The following LDLRAD3 variants were observed in gnomAD, a reference collection of about 807,000 sequenced individuals.
LDLRAD3 encodes low density lipoprotein receptor class A domain containing 3.
In LDLRAD3, 20 loss-of-function variants were observed where a neutral mutation model predicts 29.4. The observed-to-expected ratio is 0.68, with a 90% CI of 0.48 to 0.99. The LOEUF is 0.99. Ranked by LOEUF, LDLRAD3 falls within the 50% of genes least tolerant of loss-of-function variation. LDLRAD3 has a pLI of 0.00. For missense variants in LDLRAD3, 420 were observed against 454.3 expected, an observed-to-expected ratio of 0.92 and a Z score of 0.69; for synonymous variants, 157 against 192.7, an observed-to-expected ratio of 0.81 and a Z score of 1.53.
chr11:36,064,072 G>C (rs1050204862), intron 2 of LDLRAD3, among the ~76,000 whole-genome samples: 1 of 152,072 alleles, frequency 6.6e-6, no homozygotes, highest in South Asian at 2.1e-4. Flanking sequence ...GTTTACTTAG[G>C]TCTTCTTTAT....
intron 4 of LDLRAD3, among the ~76,000 whole-genome samples, chr11:36,195,013 C>T (rs1855011342): frequency 6.6e-6 from 1 of 152,158 alleles, no homozygotes; most frequent in African/African-American, 2.4e-5. Flanking sequence ...GTTCCTAAAC[C>T]TCTCTGTACC....
At chr11:36,163,427 A>G (rs1854471659) in intron 4 of LDLRAD3, 1 of 152,280 alleles carries the variant, frequency 6.6e-6, no homozygotes, top group South Asian at 2.1e-4. Context: ...TATGGGATCC[A>G]CATTAATGAA....
At chr11:36,144,694 A>C (rs1386004649) in intron 4 of LDLRAD3, among the ~76,000 whole-genome samples, 2 of 113,076 alleles carry the variant, frequency 1.8e-5, no homozygotes, top group Non-Finnish European at 1.8e-5. Flanking sequence ...TCCGCCCGGC[A>C]GCCACCCCGT....
intron 1 of LDLRAD3, among the ~76,000 whole-genome samples, chr11:36,025,377 T>C (rs376169234): frequency 6.6e-6 from 1 of 151,242 alleles, no homozygotes; most frequent in African/African-American, 2.4e-5. Context: ...TATTTTGCCA[T>C]GCTGGCTTCA....
intron 1 of LDLRAD3, among the ~76,000 whole-genome samples, chr11:35,948,678 C>T (rs1409841591): frequency 1.3e-5 from 2 of 152,038 alleles, no homozygotes; most frequent in African/African-American, 4.8e-5. Context: ...AGAGTAACTG[C>T]TTGGTCGGGG....
intron 4 of LDLRAD3, among the ~76,000 whole-genome samples, chr11:36,133,077 T>C (rs1443264392): frequency 1.3e-5 from 2 of 152,276 alleles, no homozygotes; most frequent in Non-Finnish European, 2.9e-5. Context: ...AATTTTACCT[T>C]TGTTTACCTT....
chr11:36,188,971 CT>C (rs34522525), intron 4 of LDLRAD3, among the ~76,000 whole-genome samples: 412 of 143,108 alleles, frequency 2.9e-3, no homozygotes, highest in Middle Eastern at 7.4e-3. Flanking sequence ...CAACCAAGAG[CT>C]TTTTTTTTTT....
At chr11:36,000,246 C>A (rs909079674) in intron 1 of LDLRAD3, among the ~76,000 whole-genome samples, 4 of 148,862 alleles carry the variant, frequency 2.7e-5, no homozygotes, top group African/African-American at 9.8e-5. Context: ...TGTATACATG[C>A]TATATACTAT....
chr11:36,195,072 A>G (rs1184095930), intron 4 of LDLRAD3, among the ~76,000 whole-genome samples: 5 of 152,226 alleles, frequency 3.3e-5, no homozygotes, highest in African/African-American at 9.6e-5. Flanking sequence ...CTTCTGTTAT[A>G]GAGCTTTTTA....
intron 3 of LDLRAD3, among the ~76,000 whole-genome samples, chr11:36,092,081 G>A (rs1246615743): frequency 6.6e-6 from 1 of 152,208 alleles, no homozygotes; most frequent in Non-Finnish European, 1.5e-5. Flanking sequence ...GAATATTTAT[G>A]CCTTTCAACA....
chr11:36,189,906 A>G (rs1466995330), intron 4 of LDLRAD3, among the ~76,000 whole-genome samples: 1 of 152,098 alleles, frequency 6.6e-6, no homozygotes, highest in Non-Finnish European at 1.5e-5. Context: ...AAGGACATGA[A>G]CTCATCCTTT....
At chr11:36,208,722 T>TA (rs1258370969) in intron 4 of LDLRAD3, among the ~76,000 whole-genome samples, 1 of 151,928 alleles carries the variant, frequency 6.6e-6, no homozygotes, top group Non-Finnish European at 1.5e-5. Context: ...ATCTTCCTTA[T>TA]AGAAAAATTG....
intron 4 of LDLRAD3, among the ~76,000 whole-genome samples, chr11:36,194,300 G>A (rs769187807): frequency 6.6e-6 from 1 of 152,172 alleles, no homozygotes; most frequent in Non-Finnish European, 1.5e-5. Flanking sequence ...TAGTAGGGCA[G>A]GCGTCTCTCA....
intron 4 of LDLRAD3, among the ~76,000 whole-genome samples, chr11:36,214,626 G>A (rs1223520384): frequency 6.6e-6 from 1 of 152,238 alleles, no homozygotes; most frequent in African/African-American, 2.4e-5. Flanking sequence ...AACTGGTTGA[G>A]TGGGACCTGC....
At chr11:36,004,145 C>A (rs1293633682) in intron 1 of LDLRAD3, among the ~76,000 whole-genome samples, 2 of 152,156 alleles carry the variant, frequency 1.3e-5, no homozygotes, top group African/African-American at 4.8e-5. Context: ...CTCAACAGTC[C>A]CCTAGTCTTA....
At chr11:36,153,897 A>G (rs1233699109) in intron 4 of LDLRAD3, among the ~76,000 whole-genome samples, 2 of 152,136 alleles carry the variant, frequency 1.3e-5, no homozygotes, top group Non-Finnish European at 2.9e-5. Context: ...TAGGCGGGCC[A>G]TGGGAAAGTA....
intron 4 of LDLRAD3, among the ~76,000 whole-genome samples, chr11:36,180,143 C>T (rs528261189): frequency 2.6e-5 from 4 of 152,248 alleles, no homozygotes; most frequent in East Asian, 1.9e-4. Flanking sequence ...CTACCTGCCT[C>T]GGTACACTAT....
chr11:36,197,487 C>T (rs955018499), intron 4 of LDLRAD3: 6 of 152,168 alleles, frequency 3.9e-5, no homozygotes, highest in African/African-American at 1.4e-4. Flanking sequence ...GTGGTTTCCC[C>T]TTCAGGAAAA....
intron 1 of LDLRAD3, chr11:35,967,732 G>A (rs1851360034): frequency 2.1e-6 from 1 of 476,228 alleles, no homozygotes; most frequent in African/African-American, 2.0e-5. Flanking sequence ...TAAGTTCAAG[G>A]GAAATCTGTA....
Sources: gnomAD v4.1 joint callset for allele counts (sites outside exome capture counted in the v4.1 genomes callset) on GRCh38, gnomAD v4.1.1 for gene constraint, MANE v1.5 for transcripts, NCBI Gene and HGNC (gene_info 2026-07-23, HGNC 2026-07-21) for gene names.